APP: variants seen among roughly 807,000 people sequenced by gnomAD.
The protein encoded by APP is amyloid-beta precursor protein.
Under a neutral mutation model 101.4 loss-of-function variants are expected in APP, and 31 were observed. The observed-to-expected ratio is 0.31, with a 90% confidence interval of 0.23 to 0.41. The LOEUF (loss-of-function observed/expected upper bound fraction) is 0.41. Among genes scored for constraint, APP ranks in the 10% least tolerant of loss-of-function variants. APP has a pLI of 1.00. For missense variants in APP, 839 were observed against 1,003.7 expected, an observed-to-expected ratio of 0.84 and a Z score of 2.22; for synonymous variants, 366 against 364.4, an observed-to-expected ratio of 1.00 and a Z score of -0.05.
chr21:25,932,156 G>A (rs2040176477), intron 13 of APP, among the ~76,000 whole-genome samples: 1 of 152,270 alleles, frequency 6.6e-6, no homozygotes, highest in South Asian at 2.1e-4. Flanking sequence ...AAAGTGCAAT[G>A]GGTTTTAAAT....
intron 13 of APP, among the ~76,000 whole-genome samples, chr21:25,928,060 T>A (rs946753277): frequency 1.3e-5 from 2 of 152,106 alleles, no homozygotes; most frequent in African/African-American, 4.8e-5. Context: ...AAAACAACTT[T>A]ATGGCCAGGC....
In APP at chr21:26,028,164, G is replaced by A. The variant is rs1344499705; in HGVS notation, c.663-6122C>T. Among the ~76,000 whole-genome samples the A allele has an allele frequency of 8.3e-5, 12 of 144,464 alleles. No homozygotes were observed. The Admixed American group carries it at 8.5e-4, about 10-fold the overall frequency. 94.8% of individuals were successfully genotyped at this position (144,464 alleles called of 152,430 possible). A position where few individuals can be genotyped will look rare whatever the true frequency, so the allele number is the denominator to read the frequency against. On this transcript the variant is annotated intron_variant, in intron 5 of 17. Transcript: ENST00000346798. ...TGCACTCCAGCCTGGGTGACAGAGT[G>A]AGACTCTGTCTCAAAAAAAAAAAAA...
At chr21:25,934,865 ACCCGTGTGTTTCAG>A (rs1489438660) in intron 13 of APP, 1 of 152,236 alleles carries the variant, frequency 6.6e-6, no homozygotes, top group East Asian at 1.9e-4. Flanking sequence ...CCCTCTGAAC[ACCCGTGTGTTTCAG>A]CTCTGTTCCT....
At chr21:25,918,759 A>T (rs975307683) in intron 13 of APP, among the ~76,000 whole-genome samples, 42 of 151,076 alleles carry the variant, frequency 2.8e-4, no homozygotes, top group Non-Finnish European at 4.6e-4. Context: ...GATTGCTAGC[A>T]CAGCAGTCTG....
At chr21:26,059,822 T>A (rs2046194026) in intron 3 of APP, among the ~76,000 whole-genome samples, 2 of 128,538 alleles carry the variant, frequency 1.6e-5, no homozygotes, top group Admixed American at 9.5e-5. Context: ...ACCTGGGAGG[T>A]GGAGGTTGCA....
intron 11 of APP, among the ~76,000 whole-genome samples, chr21:25,963,145 T>C (rs577953099): frequency 6.6e-6 from 1 of 152,310 alleles, no homozygotes; most frequent in Non-Finnish European, 1.5e-5. Context: ...TCCCCATTTC[T>C]TAGACGTATT....
chr21:26,094,309 A>C (rs888156698), intron 2 of APP, among the ~76,000 whole-genome samples: 1 of 152,208 alleles, frequency 6.6e-6, no homozygotes, highest in East Asian at 1.9e-4. Flanking sequence ...TAAGGGGGAG[A>C]ACATTAGCAA....
At chr21:25,979,910 G>A (rs1568800345) in intron 9 of APP, among the ~76,000 whole-genome samples, 1 of 152,186 alleles carries the variant, frequency 6.6e-6, no homozygotes, top group Non-Finnish European at 1.5e-5. Flanking sequence ...GATAATGCAG[G>A]TGTGTCCAGA....
intron 6 of APP, among the ~76,000 whole-genome samples, chr21:26,013,063 T>A (rs1038839328): frequency 2.0e-5 from 3 of 151,792 alleles, no homozygotes; most frequent in African/African-American, 7.3e-5. Context: ...ACACCTGTAA[T>A]GCTAGCACTT....
rs2036967167 is a variant in APP at position 25,881,262 on chromosome 21, T to C, written c.*408A>G. The C allele has an allele frequency of 3.9e-6, 1 of 258,876 alleles. No individual in the cohort carries two copies. The highest frequency in any genetic ancestry group is 7.6e-6 in the Non-Finnish European group (1 of 131,908). 16.0% of individuals were successfully genotyped at this position (258,876 alleles called of 1,614,324 possible). A position where few individuals can be genotyped will look rare whatever the true frequency, so the allele number is the denominator to read the frequency against. On this transcript the variant is annotated 3_prime_UTR_variant, in exon 18 of 18. Coordinates refer to ENST00000346798, the MANE Select transcript of APP (RefSeq NM_000484.4). ...AAGAGAAGCAGCTGAACTCCCACGT[T>C]CACATGAAGCATCCCCCATCGATTC...
chr21:26,071,613 T>C (rs2061412818), intron 3 of APP, among the ~76,000 whole-genome samples: 1 of 152,208 alleles, frequency 6.6e-6, no homozygotes, highest in East Asian at 1.9e-4. Context: ...ATTATAAAGA[T>C]GACTAAAATG....
intron 16 of APP, among the ~76,000 whole-genome samples, chr21:25,895,883 G>C (rs1433404044): frequency 1.3e-5 from 2 of 152,100 alleles, no homozygotes; most frequent in Admixed American, 6.5e-5. Context: ...CTGTAATTTT[G>C]TAATATTCAT....
intron 2 of APP, among the ~76,000 whole-genome samples, chr21:26,102,238 A>G (rs1397840570): frequency 2.6e-5 from 4 of 151,904 alleles, no homozygotes; most frequent in South Asian, 4.2e-4. Flanking sequence ...ACAGGTGCCC[A>G]CCACCACGCC....
chr21:26,107,646 G>A (rs1413981095), intron 2 of APP, among the ~76,000 whole-genome samples: 2 of 152,162 alleles, frequency 1.3e-5, no homozygotes, highest in Admixed American at 1.3e-4. Context: ...TCCCCAAGGT[G>A]CTTTCCTTCG....
At chr21:26,057,598 T>C (rs958133601) in intron 3 of APP, among the ~76,000 whole-genome samples, 2 of 152,132 alleles carry the variant, frequency 1.3e-5, no homozygotes, top group South Asian at 2.1e-4. Context: ...GCAAATTCAA[T>C]AGGAGTCTGC....
chr21:25,905,495 T>C (rs1290381339), intron 14 of APP, among the ~76,000 whole-genome samples: 2 of 152,194 alleles, frequency 1.3e-5, no homozygotes, highest in East Asian at 3.9e-4. Flanking sequence ...TATTTTACAG[T>C]TAATTAACTA....
intron 11 of APP, among the ~76,000 whole-genome samples, chr21:25,963,644 C>T (rs1349730136): frequency 6.6e-6 from 1 of 152,176 alleles, no homozygotes; most frequent in Non-Finnish European, 1.5e-5. Context: ...CCCTGGATTT[C>T]AAGAAATCTT....
chr21:25,896,179 G>A (rs1207105834), intron 16 of APP, among the ~76,000 whole-genome samples: 1 of 152,216 alleles, frequency 6.6e-6, no homozygotes, highest in East Asian at 1.9e-4. Context: ...ACTGATACTA[G>A]ATTATCTTGC....
At chr21:25,912,138 A>AG (rs1378395717) in intron 13 of APP, among the ~76,000 whole-genome samples, 176 bp from the exon 14 acceptor site, 1 of 152,194 alleles carries the variant, frequency 6.6e-6, no homozygotes, top group Admixed American at 6.5e-5. Flanking sequence ...GTGAAAACTG[A>AG]GGCACATGGC....
Sources: gnomAD v4.1 joint callset for allele counts (sites outside exome capture counted in the v4.1 genomes callset) on GRCh38, gnomAD v4.1.1 for gene constraint, MANE v1.5 for transcripts, NCBI Gene and HGNC (gene_info 2026-07-23, HGNC 2026-07-21) for gene names.